ZNF385D: variants seen among roughly 807,000 people sequenced by gnomAD.
ZNF385D encodes zinc finger protein 385D.
A neutral mutation model predicts 35.8 loss-of-function variants in ZNF385D; 15 were observed. The observed-to-expected ratio is 0.42, with a 90% CI of 0.28 to 0.64. The LOEUF (loss-of-function observed/expected upper bound fraction) is 0.64, where lower values mean the gene tolerates loss of function less well. Among genes scored for constraint, ZNF385D ranks in the 30% least tolerant of loss-of-function variants. The pLI is 0.23. For missense variants in ZNF385D, 474 were observed against 494.6 expected, an observed-to-expected ratio of 0.96 and a Z score of 0.39; for synonymous variants, 212 against 186.8, an observed-to-expected ratio of 1.13 and a Z score of -1.10.
At chr3:21,982,618 G>C (rs929853735) in intron 3 of ZNF385D, among the ~76,000 whole-genome samples, 1 of 152,064 alleles carries the variant, frequency 6.6e-6, no homozygotes, top group Non-Finnish European at 1.5e-5. Flanking sequence ...ATCCAATACT[G>C]TGTTGAACAA....
chr3:21,766,253 A>G (rs2070825642), intron 3 of ZNF385D, among the ~76,000 whole-genome samples: 1 of 152,106 alleles, frequency 6.6e-6, no homozygotes, highest in Non-Finnish European at 1.5e-5. Context: ...TTTACATAGA[A>G]AGATGAGAGT....
At chr3:22,239,647 T>C (rs1158597972) in intron 2 of ZNF385D, among the ~76,000 whole-genome samples, 2 of 151,178 alleles carry the variant, frequency 1.3e-5, no homozygotes, top group Admixed American at 6.6e-5. Context: ...TCTTATGTTA[T>C]ATTTATTTTT....
chr3:21,773,410 T>C (rs147733796), intron 3 of ZNF385D, among the ~76,000 whole-genome samples: 65 of 151,934 alleles, frequency 4.3e-4, no homozygotes, highest in African/African-American at 1.3e-3. Context: ...AAAGCAAAAA[T>C]TGACAAATGG....
chr3:21,799,197 A>C (rs190365175), intron 3 of ZNF385D, among the ~76,000 whole-genome samples: 3 of 152,118 alleles, frequency 2.0e-5, no homozygotes, highest in Non-Finnish European at 4.4e-5. Context: ...TTTACCTATT[A>C]AGCAGTTGAT....
At chr3:21,684,300 G>A (rs2067010153) in intron 1 of ZNF385D, among the ~76,000 whole-genome samples, 1 of 140,150 alleles carries the variant, frequency 7.1e-6, no homozygotes, top group African/African-American at 2.7e-5. Flanking sequence ...GGAAATGAAG[G>A]TAATAAATAT....
At chr3:21,815,845 T>C (rs1371174843) in intron 3 of ZNF385D, among the ~76,000 whole-genome samples, 2 of 152,240 alleles carry the variant, frequency 1.3e-5, no homozygotes, top group East Asian at 1.9e-4. Flanking sequence ...CCAGCATCAT[T>C]CTGATACCAA....
chr3:21,864,140 G>T (rs1438478701), intron 3 of ZNF385D, among the ~76,000 whole-genome samples: 1 of 151,982 alleles, frequency 6.6e-6, no homozygotes, highest in Non-Finnish European at 1.5e-5. Context: ...ATACACAAAG[G>T]GTTCATTTTA....
At chr3:21,971,513 A>G (rs931106927) in intron 3 of ZNF385D, among the ~76,000 whole-genome samples, 5 of 151,944 alleles carry the variant, frequency 3.3e-5, no homozygotes, top group Non-Finnish European at 7.4e-5. Context: ...ATGAAAATAT[A>G]CCACTAGTGA....
At chr3:22,241,493 T>A (rs1699491280) in intron 2 of ZNF385D, among the ~76,000 whole-genome samples, 1 of 151,262 alleles carries the variant, frequency 6.6e-6, no homozygotes, top group Non-Finnish European at 1.5e-5. Flanking sequence ...AGTTTCCAAA[T>A]CGTGGACAAG....
At chr3:22,084,520 A>AGAG (rs1559356489) in intron 3 of ZNF385D, among the ~76,000 whole-genome samples, 1 of 152,212 alleles carries the variant, frequency 6.6e-6, no homozygotes, top group Non-Finnish European at 1.5e-5. Context: ...TTCAACAAGA[A>AGAG]GAGCTAACTA....
intron 1 of ZNF385D, among the ~76,000 whole-genome samples, chr3:21,724,477 CAAAAAAAAAAA>C (rs200803155): frequency 5.0e-4 from 26 of 51,974 alleles, no homozygotes; most frequent in African/African-American, 3.7e-3. Context: ...AATGGAAAGC[CAAAAAAAAAAA>C]AAAAAAAAAA....
chr3:22,285,177 C>G (rs1315005373), intron 2 of ZNF385D, among the ~76,000 whole-genome samples: 1 of 152,118 alleles, frequency 6.6e-6, no homozygotes, highest in Admixed American at 6.6e-5. Flanking sequence ...AATTAGTATT[C>G]TTAGAGAACT....
intron 3 of ZNF385D, among the ~76,000 whole-genome samples, chr3:22,145,859 T>A (rs1020396186): frequency 3.3e-5 from 5 of 152,020 alleles, no homozygotes; most frequent in Admixed American, 1.3e-4. Flanking sequence ...CTAATCCAAA[T>A]CAACATGAGG....
intron 3 of ZNF385D, among the ~76,000 whole-genome samples, chr3:22,143,798 A>G (rs1412773222): frequency 1.3e-5 from 2 of 152,220 alleles, no homozygotes; most frequent in Non-Finnish European, 2.9e-5. Context: ...GTTTGAATTC[A>G]TCTTCCAGCC....
intron 3 of ZNF385D, among the ~76,000 whole-genome samples, chr3:21,918,860 AAT>A (rs1392164985): frequency 6.6e-6 from 1 of 152,158 alleles, no homozygotes; most frequent in Non-Finnish European, 1.5e-5. Context: ...GATTTTAATC[AAT>A]GTCTTTATCT....
rs949911844 is a variant in ZNF385D at position 21,785,320 on chromosome 3, T to A, written c.326-120292A>T. Among the ~76,000 whole-genome samples, 28 of 152,288 alleles carry A rather than the reference T, an allele frequency of 1.8e-4. 1 individual carries two copies. The highest frequency in any genetic ancestry group is 6.3e-4 in the African/African-American group (26 of 41,544). On this transcript the variant is annotated intron_variant, in intron 3 of 5. Coordinates refer to the ZNF385D transcript ENST00000494108. The stretch of plus-strand genomic sequence containing the variant: ...TTTCATATACATGCACATTGAGAAA[T>A]AATCACAGTTAAGCTTATTCACATA...
intron 3 of ZNF385D, among the ~76,000 whole-genome samples, chr3:22,111,152 A>ATTTTTTTTTTTTTTTT (rs61708178): frequency 1.2e-4 from 8 of 68,974 alleles, no homozygotes; most frequent in East Asian, 7.4e-4. Context: ...TCCATGTTGG[A>ATTTTTTTTTTTTTTTT]TTTTTTTTTT....
At chr3:22,174,969 T>C (rs548638767) in intron 2 of ZNF385D, among the ~76,000 whole-genome samples, 14 of 152,216 alleles carry the variant, frequency 9.2e-5, no homozygotes, top group South Asian at 8.3e-4. Context: ...AAAAAACTTA[T>C]TCTGAAAAGA....
At chr3:22,061,305 T>C (rs1267554989) in intron 3 of ZNF385D, among the ~76,000 whole-genome samples, 1 of 152,174 alleles carries the variant, frequency 6.6e-6, no homozygotes, top group Non-Finnish European at 1.5e-5. Flanking sequence ...GGTTTATTCC[T>C]TATTCATTTA....
Sources: gnomAD v4.1 joint callset for allele counts (sites outside exome capture counted in the v4.1 genomes callset) on GRCh38, gnomAD v4.1.1 for gene constraint, MANE v1.5 for transcripts, NCBI Gene and HGNC (gene_info 2026-07-23, HGNC 2026-07-21) for gene names.